PRELID3A: variants seen among roughly 807,000 people sequenced by gnomAD.
The protein encoded by PRELID3A is PRELI domain containing protein 3A.
A neutral mutation model predicts 23.0 loss-of-function variants in PRELID3A; 27 were observed. The ratio of observed to expected loss-of-function variants is 1.17; its 90% CI spans 0.87 to 1.62. PRELID3A has a LOEUF of 1.62. Ranked by LOEUF, PRELID3A falls within the 40% of genes most tolerant of loss-of-function variation. The pLI is 0.00. For missense variants in PRELID3A, 231 were observed against 231.4 expected (o/e 1.00, Z 0.01); for synonymous variants, 87 against 86.4 (o/e 1.01, Z -0.04).
chr18:12,414,159 C>T (rs186121325), intron 1 of PRELID3A, among the ~76,000 whole-genome samples: 5 of 151,850 alleles, frequency 3.3e-5, no homozygotes, highest in Non-Finnish European at 4.4e-5. Context: ...GGACTTGGGC[C>T]GCAGCAGCAG....
chr18:12,426,563 A>AAAAAAAAAAAAAAAAAAAAAAAAAG (rs67993774), intron 3 of PRELID3A, among the ~76,000 whole-genome samples: 9 of 87,712 alleles, frequency 1.0e-4, no homozygotes, highest in Admixed American at 1.8e-4. Context: ...CAAAAAAAAA[A>AAAAAAAAAAAAAAAAAAAAAAAAAG]AAAGTATAAA....
chr18:12,421,524 T>C lies in PRELID3A; in HGVS notation c.202-16T>C, dbSNP rs2030181040. The C allele has an allele frequency of 6.5e-7, 1 of 1,547,942 alleles. No individual in the cohort carries two copies. The highest frequency in any genetic ancestry group is 1.4e-5 in the African/African-American group (1 of 73,574). Reference sequence around the variant, plus strand: ...TTTTTAACGTTCCACTATGCTAGTTTTGCTTTGTTTTCTAGATTTTGGGAA... The same window carrying C: ...TTTTTAACGTTCCACTATGCTAGTTCTGCTTTGTTTTCTAGATTTTGGGAA... On this transcript the variant is annotated splice_polypyrimidine_tract_variant and intron_variant, in intron 2 of 6. Transcript: ENST00000440960.
Position 12,430,694 on chromosome 18 carries a change from CTG to C in PRELID3A, c.*34-449_*34-448del, listed in dbSNP as rs1302184949. ...ATGATGTGTATGTGATTGGTGTGTG[CTG>C]TGTGTGAATGTGTGTATAGTGTGTG... is the stretch of plus-strand genomic sequence containing the variant. On this transcript the variant is annotated intron_variant, in intron 6 of 6. Transcript: ENST00000440960. Among the ~76,000 whole-genome samples, 7 of 138,074 alleles carry C rather than the reference CTG, an allele frequency of 5.1e-5. No homozygotes were observed. In the South Asian group the frequency reaches 7.2e-4, roughly 14 times the overall value. The allele number at this position is 138,074 out of a possible 152,430, so 90.6% of individuals were successfully genotyped here. A position where few individuals can be genotyped will look rare whatever the true frequency, so the allele number is the denominator to read the frequency against.
chr18:12,428,461 G>T (rs530262370), intron 5 of PRELID3A, among the ~76,000 whole-genome samples: 7 of 152,030 alleles, frequency 4.6e-5, no homozygotes, highest in Non-Finnish European at 1.0e-4. Flanking sequence ...CTTTTTGGGG[G>T]TCAGAAATGA....
intron 1 of PRELID3A, among the ~76,000 whole-genome samples, chr18:12,412,852 AC>A (rs1316901696): frequency 4.6e-5 from 7 of 152,220 alleles, no homozygotes; most frequent in Admixed American, 3.9e-4. Flanking sequence ...ACAATAATAA[AC>A]CTGTTATAAT....
intron 1 of PRELID3A, among the ~76,000 whole-genome samples, chr18:12,417,599 G>T (rs2030002688): frequency 6.6e-6 from 1 of 152,180 alleles, no homozygotes; most frequent in African/African-American, 2.4e-5. Flanking sequence ...TTAAAGTAAT[G>T]ATTTCTATGG....
At chr18:12,424,029 C>A (rs926246707) in intron 3 of PRELID3A, among the ~76,000 whole-genome samples, 1 of 152,202 alleles carries the variant, frequency 6.6e-6, no homozygotes, top group African/African-American at 2.4e-5. Flanking sequence ...TGTGAGCCAC[C>A]TGCAGGATAG....
rs562242312 is a variant in PRELID3A at position 12,425,662 on chromosome 18, G to A, written c.292-1379G>A. 6.0e-5 allele frequency among the ~76,000 whole-genome samples: 9 copies of A among 150,278 alleles called. No homozygotes were observed. In the East Asian group the frequency reaches 1.4e-3, roughly 23 times the overall value. Reference sequence around the variant, plus strand: ...AAAAAAAAAGTAGAAAATATAGGCCGGGCCCAGTGGCTGACACCTGTAATC... The same window carrying A: ...AAAAAAAAAGTAGAAAATATAGGCCAGGCCCAGTGGCTGACACCTGTAATC... On this transcript the variant is annotated intron_variant, in intron 3 of 6. Transcript: ENST00000440960.
At chr18:12,430,475 T>G in intron 6 of PRELID3A, among the ~76,000 whole-genome samples, 1 of 146,108 alleles carries the variant, frequency 6.8e-6, no homozygotes, top group East Asian at 2.1e-4. Flanking sequence ...TGTGTATATA[T>G]GTGGTGTGTG....
chr18:12,415,537 A>G (rs1347187064), intron 1 of PRELID3A, among the ~76,000 whole-genome samples: 1 of 152,164 alleles, frequency 6.6e-6, no homozygotes, highest in Non-Finnish European at 1.5e-5. Context: ...GATTACAGGC[A>G]TGAGCCACTG....
intron 2 of PRELID3A, among the ~76,000 whole-genome samples, chr18:12,420,715 T>G (rs1598860439): frequency 1.3e-5 from 1 of 77,274 alleles, no homozygotes; most frequent in Non-Finnish European, 2.5e-5. Flanking sequence ...GGGGGGCTGG[T>G]GGGAGGGTTT....
At chr18:12,425,138 AAAATT>A (rs1476423465) in intron 3 of PRELID3A, among the ~76,000 whole-genome samples, 1 of 152,084 alleles carries the variant, frequency 6.6e-6, no homozygotes, top group Non-Finnish European at 1.5e-5. Flanking sequence ...CTGAAAAAAA[AAAATT>A]AAACTAATTA....
In PRELID3A at chr18:12,420,147, AG is replaced by A. The variant is rs139385267; in HGVS notation, c.33-176del. The A allele has an allele frequency of 1.5e-3, 2,201 of 1,428,144 alleles. 32 individuals carry two copies. In the African/African-American group the frequency reaches 0.028, roughly 18 times the overall value. The allele number at this position is 1,428,144 out of a possible 1,614,324, so 88.5% of individuals were successfully genotyped here. ...GGGGCTGCCAGGTGCCGAGGCGTGCAGGTGCTGAGCCGGCGGCCGGGGAGGG... is the reference window on the plus strand; with the variant it reads ...GGGGCTGCCAGGTGCCGAGGCGTGCAGTGCTGAGCCGGCGGCCGGGGAGGG... On this transcript the variant is annotated intron_variant, in intron 1 of 6. Transcript: ENST00000440960.
intron 6 of PRELID3A, among the ~76,000 whole-genome samples, chr18:12,430,678 A>ATGTG (rs56391939): frequency 0.81 from 120,971 of 149,488 alleles, 49,186 homozygotes; most frequent in Middle Eastern, 0.89. Context: ...TATGATGTGT[A>ATGTG]TGTGATTGGT....
chr18:12,414,114 A>G (rs2029880321), intron 1 of PRELID3A, among the ~76,000 whole-genome samples: 1 of 152,080 alleles, frequency 6.6e-6, no homozygotes, highest in Non-Finnish European at 1.5e-5. Flanking sequence ...CAGAGTGAAC[A>G]AGTGCCGGCG....
chr18:12,413,082 G>T (rs562289274), intron 1 of PRELID3A, among the ~76,000 whole-genome samples: 1 of 152,306 alleles, frequency 6.6e-6, no homozygotes, highest in East Asian at 1.9e-4. Flanking sequence ...GAGCATCTTA[G>T]TAGTCTTTTT....
intron 1 of PRELID3A, among the ~76,000 whole-genome samples, chr18:12,418,426 C>A (rs941612324): frequency 2.0e-5 from 3 of 152,092 alleles, no homozygotes; most frequent in Non-Finnish European, 4.4e-5. Flanking sequence ...GGATGGTAAA[C>A]CCATATATTG....
At chr18:12,422,256 G>A (rs908060831) in intron 3 of PRELID3A, 2 of 147,090 alleles carry the variant, frequency 1.4e-5, no homozygotes, top group Admixed American at 6.9e-5. Context: ...AGGCTGGAGT[G>A]CAGTGGATCT....
rs368186295 is a variant in PRELID3A at position 12,420,184 on chromosome 18, T to G, written c.33-141T>G. 23 of 1,433,394 alleles carry G rather than the reference T, an allele frequency of 1.6e-5. No individual in the cohort carries two copies. The African/African-American group carries it at 2.9e-4, about 18-fold the overall frequency. 88.8% of individuals were successfully genotyped at this position (1,433,394 alleles called of 1,614,324 possible). ...GGCGGCCGGGGAGGGCTCGCGGGACTCCTCAGATTTGTCGGACCAGCCTTT... is the reference window on the plus strand; with the variant it reads ...GGCGGCCGGGGAGGGCTCGCGGGACGCCTCAGATTTGTCGGACCAGCCTTT... On this transcript the variant is annotated intron_variant, in intron 1 of 6. Transcript: ENST00000440960.
Sources: allele counts gnomAD v4.1 joint callset (sites outside exome capture counted in the v4.1 genomes callset), GRCh38; gene constraint gnomAD v4.1.1; transcripts MANE v1.5; gene names NCBI Gene and HGNC (gene_info 2026-07-23, HGNC 2026-07-21).